DCTN1: variants seen among roughly 807,000 people sequenced by gnomAD.
The protein encoded by DCTN1 is dynactin subunit 1.
A neutral mutation model predicts 161.2 loss-of-function variants in DCTN1; 61 were observed. The ratio of observed to expected loss-of-function variants is 0.38; its 90% CI spans 0.31 to 0.47. DCTN1 has a LOEUF of 0.47. DCTN1 is among the 20% of genes least tolerant of loss of function. DCTN1 has a pLI of 0.99. For synonymous variants in DCTN1, 653 were observed against 632.4 expected (o/e 1.03, Z -0.49); for missense variants, 1,404 against 1,623.7 (o/e 0.86, Z 2.33).
intron 7 of DCTN1, 99 bp downstream of exon 7, chr2:74,372,829 C>T (rs779190987): frequency 3.7e-5 from 46 of 1,247,022 alleles, no homozygotes; most frequent in Non-Finnish European, 4.8e-5. Flanking sequence ...TACACTATGA[C>T]GAACTTTCAC....
At position 74,369,121 on chromosome 2, in the gene DCTN1, CA is replaced by C; in HGVS notation, c.1677del (p.Phe559LeufsTer15). ...ACCTTGGCATGGGCCTTAGTCTCAG[CA>C]AACTTGATTTTGAAGTCAAAGGTCT... ...PPETFDFKIK[F>X]AETKAHAKAI... is the part of the protein sequence containing the mutation. On this transcript the variant is annotated frameshift_variant, in exon 15 of 32. Transcript: ENST00000628224. LOFTEE classifies it high-confidence loss of function. This position sits in a 1 kb window ranked among gnomAD's most constrained non-coding sequence, Gnocchi z 4.9. 1 of 1,614,264 alleles carries C rather than the reference CA, an allele frequency of 6.2e-7. No homozygotes were observed. The highest frequency in any genetic ancestry group is 8.5e-7 in the Non-Finnish European group (1 of 1,180,044).
At position 74,370,824 on chromosome 2, in the gene DCTN1, T is replaced by C; in HGVS notation, c.845A>G (p.Glu282Gly). 6.2e-7 allele frequency: 1 copy of C among 1,614,196 alleles called. No homozygotes were observed. The highest frequency in any genetic ancestry group is 2.2e-5 in the East Asian group (1 of 44,880). The part of the protein sequence containing the change: ...LQRRLKEARK[E>G]AKEALEAKER... ...CTTTGCCTCCAGCGCCTCCTTGGCT[T>C]CCTGAGGAAGAAGTGGAGGTGGGAG... The change falls in exon 10 of 32, where the codon GAA becomes GGA. Residue 282 changes from glutamate to glycine, a missense_variant and splice_region_variant. By Grantham distance (98) the Glu-to-Gly change is moderately conservative (BLOSUM62 -2). This residue lies in a region of DCTN1 where 67 missense variants were observed against 116.3 expected (regional missense o/e 0.58). Coordinates refer to ENST00000628224, the MANE Select transcript of DCTN1 (RefSeq NM_004082.5). This position sits in a 1 kb window ranked among gnomAD's most constrained non-coding sequence, Gnocchi z 4.4.
chr2:74,382,316 T>G (rs1473132014), upstream of DCTN1, among the ~76,000 whole-genome samples: 2 of 152,170 alleles, frequency 1.3e-5, no homozygotes, highest in African/African-American at 4.8e-5. Context: ...AGGTACCTTG[T>G]AGGCCAGGTG....
At position 74,366,362 on chromosome 2, in the gene DCTN1, G is replaced by A. The variant is rs1674410517; in HGVS notation, c.2642C>T (p.Pro881Leu). The change falls in exon 23 of 32, where the codon CCC (proline) becomes CTC (leucine). Residue 881 changes from proline to leucine, a missense_variant. Coordinates refer to ENST00000628224, the MANE Select transcript of DCTN1 (RefSeq NM_004082.5). ...CAGACACTCATAGGGGCTGCTGGAG[G>A]GGGTCCCATAGATCTGCAGGAGCCA... ...FKASEQIYGTPSSSPYECLRQ... is the reference protein window; with the variant it reads ...FKASEQIYGTLSSSPYECLRQ... 6.2e-7 allele frequency: 1 copy of A among 1,614,210 alleles called. No homozygotes were observed. The highest frequency in any genetic ancestry group is 8.5e-7 in the Non-Finnish European group (1 of 1,180,030).
Position 74,370,385 on chromosome 2 carries a change from G to A in DCTN1, c.1128-40C>T. 1 of 1,614,056 alleles carries A rather than the reference G, an allele frequency of 6.2e-7. No individual in the cohort carries two copies. Among genetic ancestry groups the A allele is most frequent in the South Asian group, 1.1e-5 (1 of 91,070 alleles). On this transcript the variant is annotated intron_variant, in intron 11 of 31. Coordinates refer to ENST00000628224, the MANE Select transcript of DCTN1 (RefSeq NM_004082.5). This position sits in a 1 kb window ranked among gnomAD's most constrained non-coding sequence, Gnocchi z 4.4. ...GGAAGGCAGAAGGAGGAAAGCACGTGTCAGAGTCTCTGGCGATGGGTGCTC... is the reference window on the plus strand; with the variant it reads ...GGAAGGCAGAAGGAGGAAAGCACGTATCAGAGTCTCTGGCGATGGGTGCTC...
intron 24 of DCTN1, 94 bp downstream of exon 24, chr2:74,365,799 C>A: frequency 6.2e-7 from 1 of 1,612,822 alleles, no homozygotes; most frequent in Non-Finnish European, 8.5e-7. Context: ...CCCTTAACTC[C>A]CAAGCCGTCT....
intron 5 of DCTN1, chr2:74,374,656 G>A: frequency 1.6e-6 from 2 of 1,212,310 alleles, no homozygotes; most frequent in South Asian, 3.1e-5. Flanking sequence ...TTAGGCTGAT[G>A]GCAGCCTCAG....
At chr2:74,391,534 G>A in intron 1 of DCTN1, 1 of 317,966 alleles carries the variant, frequency 3.1e-6, no homozygotes, top group Non-Finnish European at 6.1e-6. Flanking sequence ...AGGAACGGAG[G>A]GGAGACCCTT....
At chr2:74,391,748 T>C (rs1461359099) in intron 1 of DCTN1, 4 of 451,776 alleles carry the variant, frequency 8.9e-6, no homozygotes, top group South Asian at 6.2e-5. Context: ...CACGAACACG[T>C]AGGGGGCCGG....
intron 4 of DCTN1, among the ~76,000 whole-genome samples, 155 bp from the exon 5 acceptor site, chr2:74,376,917 C>G (rs1446802617): frequency 6.6e-6 from 1 of 152,142 alleles, no homozygotes; most frequent in Non-Finnish European, 1.5e-5. Flanking sequence ...ATGTTCACAC[C>G]TTGGCCCAGA....
chr2:74,367,555 T>A, intron 18 of DCTN1, 135 bp from the exon 19 acceptor site: 1 of 1,471,808 alleles, frequency 6.8e-7, no homozygotes, highest in East Asian at 2.3e-5. Flanking sequence ...AGCAGCTGCA[T>A]CATATGGAGA....
chr2:74,382,261 T>C (rs1675542974), upstream of DCTN1, among the ~76,000 whole-genome samples: 1 of 152,214 alleles, frequency 6.6e-6, no homozygotes, highest in Admixed American at 6.5e-5. Flanking sequence ...ATATCTGCCA[T>C]ATCTACGTCA....
At chr2:74,384,108 C>T (rs72818079), upstream of DCTN1, among the ~76,000 whole-genome samples, 2,115 of 152,236 alleles carry the variant, frequency 0.014, 18 homozygotes, top group Non-Finnish European at 0.023. Context: ...GGAGGAGAAA[C>T]AACATGTTAG....
Position 74,362,986 on chromosome 2 carries a change from G to C in DCTN1, c.3529+8C>G. On this transcript the variant is annotated splice_region_variant and intron_variant, in intron 29 of 31. Transcript: ENST00000628224. ...TTTTATTCATCTTGGGGGTTGGCAG[G>C]TACATACCAGGGCTGGTGCGAGTGA... 1 of 1,611,288 alleles carries C rather than the reference G, an allele frequency of 6.2e-7. No individual in the cohort carries two copies. The highest frequency in any genetic ancestry group is 1.7e-4 in the Middle Eastern group (1 of 5,748).
chr2:74,371,051 C>T lies in DCTN1; in HGVS notation c.771G>A (p.Gln257=), dbSNP rs1558942591. 5 of 1,614,234 alleles carry T rather than the reference C, an allele frequency of 3.1e-6. No individual in the cohort carries two copies. The highest frequency in any genetic ancestry group is 4.2e-6 in the Non-Finnish European group (5 of 1,180,040). The part of the protein sequence containing the change: ...ELEKHKIQLE[Q]VQEWKSKMQE... ...GCATTTTGCTCTTCCATTCCTGCAC[C>T]TGCTCCAGCTGGATTTTGTGTTTCT... is the stretch of plus-strand genomic sequence containing the variant. The change falls in exon 9 of 32, where the codon CAG becomes CAA. Residue 257 remains glutamine (Q), a synonymous_variant. Coordinates refer to ENST00000628224, the MANE Select transcript of DCTN1 (RefSeq NM_004082.5).
rs750471190 is a variant in DCTN1 at position 74,363,152 on chromosome 2, G to A, written c.3371C>T (p.Ala1124Val). Residue 1124 changes from alanine (A) to valine (V), a missense_variant, in exon 29 of 32, where the codon GCA becomes GTA. Coordinates refer to ENST00000628224, the MANE Select transcript of DCTN1 (RefSeq NM_004082.5). ...LKGAQMKASL[A>V]SLPPLHVAKL... ...TGCAACATGCAGAGGGGGCAGGGAT[G>A]CCAAGGATGCCTTCATCTGGGCTCC... is the stretch of plus-strand genomic sequence containing the variant. The A allele has an allele frequency of 3.7e-6, 6 of 1,614,156 alleles. No individual in the cohort carries two copies. In the South Asian group the frequency reaches 6.6e-5, roughly 18 times the overall value.
In DCTN1 at chr2:74,366,328, T is replaced by A. The variant is rs776701882; in HGVS notation, c.2676A>T (p.Ser892=). 1 of 1,614,204 alleles carries A rather than the reference T, an allele frequency of 6.2e-7. No homozygotes were observed. The highest frequency in any genetic ancestry group is 1.7e-5 in the Admixed American group (1 of 60,030). ...TCATGGTACTGATGAGGATGTTGCA[T>A]GACTGGCGCAGACACTCATAGGGGC... is the stretch of plus-strand genomic sequence containing the variant. ...SSSPYECLRQ[S]CNILISTMNK... is the part of the protein sequence containing the mutation. Residue 892 remains serine, a synonymous_variant, in exon 23 of 32, where the codon TCA becomes TCT. Transcript: ENST00000628224.
intron 26 of DCTN1, chr2:74,364,483 C>T (rs978128819): frequency 1.2e-5 from 2 of 169,894 alleles, no homozygotes; most frequent in Non-Finnish European, 2.6e-5. Context: ...GCAGCAGCCA[C>T]CTCCTGAGTC....
Position 74,365,994 on chromosome 2 carries a change from C to T in DCTN1, c.2785G>A (p.Ala929Thr), listed in dbSNP as rs765216385. 4 of 1,614,162 alleles carry T rather than the reference C, an allele frequency of 2.5e-6. No individual in the cohort carries two copies. In the Admixed American group the frequency reaches 6.7e-5, roughly 27 times the overall value. The stretch of plus-strand genomic sequence containing the variant: ...TCTGTGATCTCTGCACGAAGGGCAG[C>T]AGCCCGCAGTTCAACCGGTGGAGGC... ...SKPPPVELRA[A>T]ALRAEITDAE... Residue 929 changes from alanine (A) to threonine (T), a missense_variant, in exon 24 of 32, where the codon GCT becomes ACT. Ala to Thr is a moderately conservative substitution (Grantham distance 58, BLOSUM62 0). This residue lies in a region of DCTN1 where 475 missense variants were observed against 489.8 expected (regional missense o/e 0.97). Coordinates refer to ENST00000628224, the MANE Select transcript of DCTN1 (RefSeq NM_004082.5).
Sources: gnomAD v4.1 joint callset for allele counts (sites outside exome capture counted in the v4.1 genomes callset) on GRCh38, gnomAD v4.1.1 for gene constraint, gnomAD v4.1.1 regional missense constraint, Gnocchi (gnomAD v3.1) non-coding constraint, MANE v1.5 for transcripts, NCBI Gene and HGNC (gene_info 2026-07-23, HGNC 2026-07-21) for gene names.